The following CENPC variants were observed in gnomAD, a reference collection of about 807,000 sequenced individuals.
CENPC encodes the protein CENP-C 1.
Under a neutral mutation model 112.1 loss-of-function variants are expected in CENPC, and 63 were observed. That is an observed-to-expected ratio of 0.56 (90% CI 0.46 to 0.69). The LOEUF is 0.69. Ranked by LOEUF, CENPC falls within the 30% of genes least tolerant of loss-of-function variation. CENPC has a pLI of 0.00. For synonymous variants in CENPC, 333 were observed against 367.6 expected, an observed-to-expected ratio of 0.91 and a Z score of 1.08; for missense variants, 1,000 against 1,103.8, an observed-to-expected ratio of 0.91 and a Z score of 1.33.
At chr4:67,530,767 T>C (rs1287103634) in intron 5 of CENPC, 48 bp downstream of exon 5, 2 of 968,518 alleles carry the variant, frequency 2.1e-6, no homozygotes. Flanking sequence ...GCGTTTCTCA[T>C]TTTTTAAATA....
At position 67,518,367 on chromosome 4, in the gene CENPC, A is replaced by G; in HGVS notation, c.619T>C (p.Leu207=). 6.6e-7 allele frequency: 1 copy of G among 1,521,660 alleles called. No homozygotes were observed. The highest frequency in any genetic ancestry group is 8.8e-7 in the Non-Finnish European group (1 of 1,139,000). The allele number at this position is 1,521,660 out of a possible 1,614,324, so 94.3% of individuals were successfully genotyped here. The change falls in exon 7 of 19, where the codon TTA becomes CTA. Residue 207 remains leucine, a splice_region_variant and synonymous_variant. Transcript: ENST00000273853. ...TEVSVKTKKR[L]NFDDKVMLKK... ...AACATAACTTTATCATCAAAGTTTA[A>G]CCTAAAAGGTTAAAAGGAGGGTAAG...
chr4:67,477,894 G>A (rs1724847961), intron 17 of CENPC, among the ~76,000 whole-genome samples: 1 of 151,880 alleles, frequency 6.6e-6, no homozygotes, highest in Non-Finnish European at 1.5e-5. Context: ...GGCATACTTA[G>A]AGAAATGCAA....
chr4:67,477,520 G>A (rs1318889808), intron 17 of CENPC, among the ~76,000 whole-genome samples: 2 of 152,154 alleles, frequency 1.3e-5, no homozygotes, highest in Non-Finnish European at 2.9e-5. Context: ...ACCACATCAA[G>A]GGATCACTCC....
intron 12 of CENPC, among the ~76,000 whole-genome samples, chr4:67,499,038 C>G (rs529965854): frequency 6.6e-6 from 1 of 152,212 alleles, no homozygotes; most frequent in African/African-American, 2.4e-5. Context: ...ATGAAAGCAA[C>G]ATTAATCTCC....
intron 5 of CENPC, among the ~76,000 whole-genome samples, chr4:67,522,469 A>C (rs188029201): frequency 1.2e-4 from 19 of 152,184 alleles, no homozygotes; most frequent in Admixed American, 1.1e-3. Context: ...CATAATGGCT[A>C]CTTTGGGCTT....
intron 5 of CENPC, among the ~76,000 whole-genome samples, chr4:67,526,347 A>G (rs1726377330): frequency 6.6e-6 from 1 of 152,094 alleles, no homozygotes; most frequent in East Asian, 1.9e-4. Context: ...AATATTTAAA[A>G]AAACTCAAAA....
chr4:67,540,929 C>T, intron 3 of CENPC, 51 bp downstream of exon 3: 1 of 1,206,564 alleles, frequency 8.3e-7, no homozygotes, highest in Non-Finnish European at 1.2e-6. Context: ...ATGACAAATT[C>T]ATATTTTCAT....
intron 12 of CENPC, among the ~76,000 whole-genome samples, chr4:67,499,088 T>C (rs970509218): frequency 1.3e-5 from 2 of 152,218 alleles, no homozygotes; most frequent in African/African-American, 4.8e-5. Context: ...GCCTGGTGCA[T>C]TGCCATGGAT....
intron 12 of CENPC, among the ~76,000 whole-genome samples, chr4:67,500,287 C>A (rs1449933637): frequency 6.6e-6 from 1 of 151,894 alleles, no homozygotes; most frequent in African/African-American, 2.4e-5. Flanking sequence ...ACAAGGTATG[C>A]CTGTATAAAT....
intron 17 of CENPC, among the ~76,000 whole-genome samples, 152 bp downstream of exon 17, chr4:67,489,815 C>CG (rs1725189680): frequency 6.6e-6 from 1 of 152,060 alleles, no homozygotes; most frequent in African/African-American, 2.4e-5. Flanking sequence ...GGCTGGTTGA[C>CG]TCTAAACAGA....
At chr4:67,493,112 C>T in intron 14 of CENPC, 115 bp from the exon 15 acceptor site, 1 of 781,578 alleles carries the variant, frequency 1.3e-6, no homozygotes. Flanking sequence ...TATATGTCTG[C>T]AGCTAATAGT....
At chr4:67,534,561 A>T (rs1220679778) in intron 4 of CENPC, among the ~76,000 whole-genome samples, 1 of 152,254 alleles carries the variant, frequency 6.6e-6, no homozygotes, top group Non-Finnish European at 1.5e-5. Context: ...GATATTAAGT[A>T]GGAGCATTTA....
chr4:67,534,890 G>T (rs1037950135), intron 4 of CENPC, among the ~76,000 whole-genome samples: 12 of 152,120 alleles, frequency 7.9e-5, no homozygotes, highest in Admixed American at 2.0e-4. Context: ...AGTAAAAAAG[G>T]TACTTGCAGA....
At chr4:67,511,875 C>A (rs1388157056) in intron 9 of CENPC, among the ~76,000 whole-genome samples, 2 of 152,118 alleles carry the variant, frequency 1.3e-5, no homozygotes, top group Non-Finnish European at 2.9e-5. Flanking sequence ...AACCCATGCA[C>A]TTTTTTTCTA....
chr4:67,501,655 T>C (rs1725593411), intron 12 of CENPC, among the ~76,000 whole-genome samples: 1 of 152,206 alleles, frequency 6.6e-6, no homozygotes, highest in Admixed American at 6.5e-5. Context: ...AGTCTGTGAA[T>C]GAACCTGTGT....
chr4:67,543,027 TTAC>T (rs1399922854), intron 2 of CENPC, among the ~76,000 whole-genome samples: 5 of 152,174 alleles, frequency 3.3e-5, no homozygotes. Context: ...CATGTGTAGA[TTAC>T]TACAACACCC....
intron 17 of CENPC, among the ~76,000 whole-genome samples, chr4:67,480,784 A>C (rs968459373): frequency 2.0e-5 from 3 of 152,210 alleles, no homozygotes; most frequent in African/African-American, 7.2e-5. Context: ...TCGGCATAGA[A>C]GGAGCATAAC....
chr4:67,495,522 C>T (rs768244), intron 12 of CENPC, among the ~76,000 whole-genome samples: 19,677 of 152,026 alleles, frequency 0.13, 1,735 homozygotes, highest in Non-Finnish European at 0.19. Flanking sequence ...TCTCTGGCGA[C>T]AAGTGGAAAA....
chr4:67,512,250 A>G (rs1159219924), intron 9 of CENPC, 152 bp downstream of exon 9: 8 of 596,854 alleles, frequency 1.3e-5, no homozygotes, highest in South Asian at 4.6e-5. Flanking sequence ...GCTTCAAGGA[A>G]TATCTTTACC....
Sources: allele counts gnomAD v4.1 joint callset (sites outside exome capture counted in the v4.1 genomes callset), GRCh38; gene constraint gnomAD v4.1.1; transcripts MANE v1.5; gene names NCBI Gene and HGNC (gene_info 2026-07-23, HGNC 2026-07-21).